The following PRKN variants were observed in gnomAD, a reference collection of about 807,000 sequenced individuals.
The protein encoded by PRKN is E3 ubiquitin-protein ligase parkin.
In PRKN, 56 loss-of-function variants were observed where a neutral mutation model predicts 59.5. That is an observed-to-expected ratio of 0.94 (90% confidence interval 0.76 to 1.18). The LOEUF (loss-of-function observed/expected upper bound fraction) is 1.18, where lower values mean the gene tolerates loss of function less well. Among genes scored for constraint, PRKN ranks in the 50% most tolerant of loss-of-function variants. The pLI is 0.00. For synonymous variants in PRKN, 250 were observed against 222.1 expected (o/e 1.13, Z -1.12); for missense variants, 657 against 596.4 (o/e 1.10, Z -1.06).
rs532346241 is a variant in PRKN, at chr6:161,891,804, C to G, written c.734+81498G>C. ...AGAAAGCAGTTAGATCTAATTATAG[C>G]TCTTGGGATAGAGGAGCTGCTGTCT... On this transcript the variant is annotated intron_variant, in intron 6 of 11. Transcript: ENST00000366898. Among the ~76,000 whole-genome samples, 18 of 152,280 alleles carry G rather than the reference C, an allele frequency of 1.2e-4. No individual in the cohort carries two copies. The East Asian group carries it at 1.4e-3, about 11-fold the overall frequency.
At chr6:161,874,126 A>T (rs1450227867) in intron 6 of PRKN, among the ~76,000 whole-genome samples, 18 of 62,450 alleles carry the variant, frequency 2.9e-4, no homozygotes, top group East Asian at 6.1e-4. Flanking sequence ...ATAATATATA[A>T]TATATATTAT....
chr6:161,611,979 AG>A (rs1426284642), intron 7 of PRKN, among the ~76,000 whole-genome samples: 1 of 152,256 alleles, frequency 6.6e-6, no homozygotes, highest in East Asian at 1.9e-4. Context: ...TGTTCTGGAT[AG>A]GAGATTAAAC....
At chr6:162,381,274 CT>C (rs1786470184) in intron 2 of PRKN, among the ~76,000 whole-genome samples, 1 of 152,164 alleles carries the variant, frequency 6.6e-6, no homozygotes, top group South Asian at 2.1e-4. Flanking sequence ...AGAAATTACC[CT>C]GTTTTTCAAT....
chr6:161,686,313 G>C (rs147806847), intron 7 of PRKN, among the ~76,000 whole-genome samples: 42 of 152,224 alleles, frequency 2.8e-4, no homozygotes, highest in Admixed American at 9.2e-4. Context: ...GATGTCAATG[G>C]CTAGGGTAAA....
At position 161,842,378 on chromosome 6, in the gene PRKN, A is replaced by G. The variant is rs58416484; in HGVS notation, c.735-56470T>C. Among the ~76,000 whole-genome samples, 1,233 of 151,550 alleles carry G rather than the reference A, an allele frequency of 8.1e-3. 25 individuals are homozygous for G. Among genetic ancestry groups the G allele is most frequent in the East Asian group, 0.073 (364 of 5,012 alleles). Reference sequence around the variant, plus strand: ...TCCCAGCTACTTGGGAGGCTGAGGCAGGAGGATCACTTGAATCTGGGAGGC... The same window carrying G: ...TCCCAGCTACTTGGGAGGCTGAGGCGGGAGGATCACTTGAATCTGGGAGGC... On this transcript the variant is annotated intron_variant, in intron 6 of 11. Transcript: ENST00000366898.
intron 7 of PRKN, among the ~76,000 whole-genome samples, chr6:161,655,498 C>A (rs1490323582): frequency 6.6e-6 from 1 of 152,242 alleles, no homozygotes; most frequent in East Asian, 1.9e-4. Flanking sequence ...CTGGGCCCAC[C>A]CAGCCTCTCA....
At chr6:162,614,606 G>A (rs1276469374) in intron 1 of PRKN, among the ~76,000 whole-genome samples, 3 of 152,098 alleles carry the variant, frequency 2.0e-5, no homozygotes, top group African/African-American at 7.2e-5. Flanking sequence ...ATGCCCTGTG[G>A]TCTAAATCAA....
chr6:161,746,701 T>C (rs1274355150), intron 7 of PRKN, among the ~76,000 whole-genome samples: 1 of 147,142 alleles, frequency 6.8e-6, no homozygotes, highest in African/African-American at 2.5e-5. Context: ...GGTATATGTA[T>C]ATATGTATAT....
At chr6:161,474,673 C>A (rs1790977808) in intron 9 of PRKN, among the ~76,000 whole-genome samples, 1 of 151,898 alleles carries the variant, frequency 6.6e-6, no homozygotes, top group South Asian at 2.1e-4. Context: ...CGGCTCACTG[C>A]AAGCTCCGCC....
chr6:161,968,485 C>T (rs1015299651), intron 6 of PRKN, among the ~76,000 whole-genome samples: 46 of 152,220 alleles, frequency 3.0e-4, no homozygotes, highest in Non-Finnish European at 5.1e-4. Flanking sequence ...GGTGTCTCCA[C>T]GGTCCCCTTG....
Position 161,419,546 on chromosome 6 carries a change from C to T in PRKN, c.1084-32669G>A, listed in dbSNP as rs966805102. On this transcript the variant is annotated intron_variant, in intron 9 of 11. Transcript: ENST00000366898. This position sits in a 1 kb window ranked among gnomAD's most constrained non-coding sequence, Gnocchi z 4.1. Reference sequence around the variant, plus strand: ...GGGATTACAGGTACACGCCACTGCGCCTGGCTAATTTTTGTATTTTTTTAA... The same window carrying T: ...GGGATTACAGGTACACGCCACTGCGTCTGGCTAATTTTTGTATTTTTTTAA... 2.0e-5 allele frequency among the ~76,000 whole-genome samples: 3 copies of T among 151,990 alleles called. No individual in the cohort carries two copies. The highest frequency in any genetic ancestry group is 4.4e-5 in the Non-Finnish European group (3 of 68,026).
rs377139302 is a variant in PRKN at position 162,286,463 on chromosome 6, T to A, written c.172-23698A>T. Among the ~76,000 whole-genome samples, 101 of 152,324 alleles carry A rather than the reference T, an allele frequency of 6.6e-4. 2 individuals are homozygous for A. In the South Asian group the frequency reaches 0.019, roughly 29 times the overall value. On this transcript the variant is annotated intron_variant, in intron 2 of 11. Transcript: ENST00000366898. ...CTTCACCAACATTTCCAACTCATTT[T>A]CATACTTTTAAGCCCACTGGCATTA...
rs1405861401 is a variant in PRKN, at chr6:162,055,437, T to C, written c.535-1263A>G. On this transcript the variant is annotated intron_variant, in intron 4 of 11. Transcript: ENST00000366898. The stretch of plus-strand genomic sequence containing the variant: ...ATGCAAGTTGGAAAGTTGGCTTGTA[T>C]GTCTGTGAGGGCTCAGGGTTCAGGA... Among the ~76,000 whole-genome samples, 7 of 152,124 alleles carry C rather than the reference T, an allele frequency of 4.6e-5. No homozygotes were observed. In the East Asian group the frequency reaches 1.4e-3, roughly 29 times the overall value.
rs1785703170 is a variant in PRKN at position 161,376,400 on chromosome 6, C to A, written c.1167+10394G>T. ...CAACCTGCTTTTGTTTCTGTCTCCT[C>A]TTCCAGCCAATGGCACCACCATCGT... On this transcript the variant is annotated intron_variant, in intron 10 of 11. Coordinates refer to ENST00000366898, the MANE Select transcript of PRKN (RefSeq NM_004562.3). This position sits in a 1 kb window ranked among gnomAD's most constrained non-coding sequence, Gnocchi z 7.3. Among the ~76,000 whole-genome samples, 1 of 152,216 alleles carries A rather than the reference C, an allele frequency of 6.6e-6. No individual in the cohort carries two copies.
At chr6:162,088,781 A>C (rs1464216683) in intron 4 of PRKN, among the ~76,000 whole-genome samples, 1 of 152,186 alleles carries the variant, frequency 6.6e-6, no homozygotes, top group Non-Finnish European at 1.5e-5. Context: ...GGTAAGTTCA[A>C]CCAAATATTT....
intron 2 of PRKN, among the ~76,000 whole-genome samples, chr6:162,433,171 CAT>C (rs1789618005): frequency 6.6e-6 from 1 of 152,150 alleles, no homozygotes. Flanking sequence ...AAACTAATAA[CAT>C]GTTAAAATTT....
chr6:162,479,755 CTG>C (rs1315616330), intron 1 of PRKN, among the ~76,000 whole-genome samples: 3 of 88,644 alleles, frequency 3.4e-5, no homozygotes, highest in African/African-American at 1.1e-4. Flanking sequence ...TTACAGTTAT[CTG>C]TTTTTTTTTC....
intron 1 of PRKN, among the ~76,000 whole-genome samples, chr6:162,467,042 C>G (rs971101673): frequency 2.0e-5 from 3 of 152,148 alleles, no homozygotes; most frequent in Non-Finnish European, 2.9e-5. Flanking sequence ...TTATGATTCC[C>G]TGGATTCTAT....
At chr6:162,097,959 G>A (rs1038232335) in intron 4 of PRKN, among the ~76,000 whole-genome samples, 6 of 152,264 alleles carry the variant, frequency 3.9e-5, no homozygotes, top group Non-Finnish European at 8.8e-5. Context: ...TGGTAAGAGC[G>A]TTGACCATGG....
Sources: gnomAD v4.1 joint callset for allele counts (sites outside exome capture counted in the v4.1 genomes callset) on GRCh38, gnomAD v4.1.1 for gene constraint, Gnocchi (gnomAD v3.1) non-coding constraint, MANE v1.5 for transcripts, NCBI Gene and HGNC (gene_info 2026-07-23, HGNC 2026-07-21) for gene names.